SGMS1: variants seen among roughly 807,000 people sequenced by gnomAD.
SGMS1 encodes the protein phosphatidylcholine:ceramide cholinephosphotransferase 1.
SGMS1 carries 13 observed loss-of-function variants against 46.2 expected under a neutral mutation model. The ratio of observed to expected loss-of-function variants is 0.28; its 90% CI spans 0.18 to 0.45. SGMS1 has a LOEUF of 0.45. Ranked by LOEUF, SGMS1 falls within the 20% of genes least tolerant of loss-of-function variation. The pLI is 1.00. For missense variants in SGMS1, 324 were observed against 519.9 expected, an observed-to-expected ratio of 0.62 and a Z score of 3.66; for synonymous variants, 203 against 187.8, an observed-to-expected ratio of 1.08 and a Z score of -0.66.
intron 5 of SGMS1, among the ~76,000 whole-genome samples, chr10:50,447,834 C>A (rs562677041): frequency 2.0e-5 from 3 of 152,218 alleles, no homozygotes; most frequent in Admixed American, 2.0e-4. Context: ...TCATGAAGTA[C>A]AATAGATCTC....
Position 50,585,841 on chromosome 10 carries a change from G to A in SGMS1, c.-589+4312C>T, listed in dbSNP as rs550268171. Among the ~76,000 whole-genome samples the A allele has an allele frequency of 1.1e-4, 17 of 152,330 alleles. No individual in the cohort carries two copies. The South Asian group carries it at 1.7e-3, about 15-fold the overall frequency. ...AATACAATAGACACTCTGTAAATAC[G>A]TGTTGGATGAATACATGAATGAGAA... On this transcript the variant is annotated intron_variant, in intron 2 of 10. Transcript: ENST00000361781.
At chr10:50,428,413 C>T (rs896218925) in intron 6 of SGMS1, among the ~76,000 whole-genome samples, 6 of 152,164 alleles carry the variant, frequency 3.9e-5, no homozygotes, top group Admixed American at 1.3e-4. Flanking sequence ...GGGGCATCAG[C>T]CTTCTGTAGA....
chr10:50,612,929 G>A lies in SGMS1; in HGVS notation c.-684+10778C>T, dbSNP rs553610157. On this transcript the variant is annotated intron_variant, in intron 1 of 10. Coordinates refer to ENST00000361781, the MANE Select transcript of SGMS1 (RefSeq NM_147156.4). The stretch of plus-strand genomic sequence containing the variant: ...TCACCATGCTGGCCAGGCTGATCTC[G>A]AATTCCTGACCTCATAGCCACGTTT... Among the ~76,000 whole-genome samples the A allele has an allele frequency of 2.6e-5, 4 of 152,260 alleles. No homozygotes were observed. The South Asian group carries it at 6.2e-4, about 24-fold the overall frequency.
chr10:50,394,521 C>G (rs1159670401), intron 6 of SGMS1, among the ~76,000 whole-genome samples: 1 of 152,228 alleles, frequency 6.6e-6, no homozygotes, highest in Non-Finnish European at 1.5e-5. Flanking sequence ...TTCAATTACC[C>G]ATAACTGTCA....
At chr10:50,311,505 G>T in intron 8 of SGMS1, 90 bp from the exon 9 acceptor site, 1 of 1,125,546 alleles carries the variant, frequency 8.9e-7, no homozygotes, top group Non-Finnish European at 1.2e-6. Context: ...CCAGAATTAA[G>T]CTTATATTAA....
chr10:50,411,787 C>A (rs936057977), intron 6 of SGMS1, among the ~76,000 whole-genome samples: 5 of 152,198 alleles, frequency 3.3e-5, no homozygotes, highest in African/African-American at 1.2e-4. Context: ...GTTCAGGATT[C>A]TCTGTTAGGA....
upstream of SGMS1, among the ~76,000 whole-genome samples, chr10:50,624,455 A>ACTT (rs1838894981): frequency 6.6e-6 from 1 of 152,156 alleles, no homozygotes; most frequent in African/African-American, 2.4e-5. Context: ...GCCCATTTTC[A>ACTT]AACCTCTAAC....
At chr10:50,466,392 T>C (rs1445286825) in intron 4 of SGMS1, among the ~76,000 whole-genome samples, 1 of 151,892 alleles carries the variant, frequency 6.6e-6, no homozygotes, top group Non-Finnish European at 1.5e-5. Flanking sequence ...TGTTACACAG[T>C]AGAGATCTTC....
intron 3 of SGMS1, among the ~76,000 whole-genome samples, chr10:50,497,471 G>A (rs2133750676): frequency 6.6e-6 from 1 of 152,310 alleles, no homozygotes; most frequent in East Asian, 1.9e-4. Flanking sequence ...GATTATGCAA[G>A]AGAAGCCAAA....
chr10:50,405,137 T>C (rs964032043), intron 6 of SGMS1, among the ~76,000 whole-genome samples: 1 of 152,228 alleles, frequency 6.6e-6, no homozygotes, highest in Admixed American at 6.5e-5. Flanking sequence ...ATATCATTTG[T>C]ATACTAACGA....
intron 6 of SGMS1, among the ~76,000 whole-genome samples, chr10:50,357,742 G>A (rs755564483): frequency 6.6e-6 from 1 of 152,066 alleles, no homozygotes; most frequent in Non-Finnish European, 1.5e-5. Flanking sequence ...TTTCCTTGAC[G>A]ATTCGATGGA....
chr10:50,458,997 G>A (rs1281891139), intron 5 of SGMS1, among the ~76,000 whole-genome samples: 1 of 152,114 alleles, frequency 6.6e-6, no homozygotes, highest in Non-Finnish European at 1.5e-5. Flanking sequence ...TTGAATAGAT[G>A]TTCTATATTT....
chr10:50,612,280 T>G (rs1469047928), intron 1 of SGMS1, among the ~76,000 whole-genome samples: 1 of 152,240 alleles, frequency 6.6e-6, no homozygotes, highest in African/African-American at 2.4e-5. Context: ...TGCATGAAAC[T>G]TTTAGAAGAC....
At chr10:50,609,851 A>G (rs1003443602) in intron 1 of SGMS1, among the ~76,000 whole-genome samples, 6 of 152,136 alleles carry the variant, frequency 3.9e-5, no homozygotes, top group African/African-American at 1.4e-4. Context: ...GGCAGTAGTC[A>G]TGAACTTTAC....
At chr10:50,353,528 C>CAA (rs1848064410) in intron 6 of SGMS1, among the ~76,000 whole-genome samples, 1 of 152,294 alleles carries the variant, frequency 6.6e-6, no homozygotes, top group Admixed American at 6.5e-5. Context: ...AAAACTGGCA[C>CAA]AAGACAGGGA....
chr10:50,467,338 T>G (rs932169263), intron 3 of SGMS1, among the ~76,000 whole-genome samples: 41 of 152,176 alleles, frequency 2.7e-4, no homozygotes, highest in Admixed American at 1.8e-3. Context: ...TGGGATAAAT[T>G]TTCATTTTTA....
chr10:50,624,838 A>G, upstream of SGMS1: 1 of 987,968 alleles, frequency 1.0e-6, no homozygotes, highest in Non-Finnish European at 1.2e-6. Flanking sequence ...TCGGTGGCCT[A>G]CAGGCAGCCC....
chr10:50,318,462 T>C lies in SGMS1; in HGVS notation c.742-7047A>G, dbSNP rs982580678. On this transcript the variant is annotated intron_variant, in intron 8 of 10. Transcript: ENST00000361781. Reference sequence around the variant, plus strand: ...AGTGTTATACAAATTTCAGGCAGCATTACTTAACAATCCAAGTTAGGTCCA... The same window carrying C: ...AGTGTTATACAAATTTCAGGCAGCACTACTTAACAATCCAAGTTAGGTCCA... 2.6e-5 allele frequency among the ~76,000 whole-genome samples: 4 copies of C among 152,208 alleles called. No individual in the cohort carries two copies. In the East Asian group the frequency reaches 5.8e-4, roughly 22 times the overall value.
chr10:50,324,630 G>A (rs955196332), intron 8 of SGMS1, among the ~76,000 whole-genome samples: 3 of 152,172 alleles, frequency 2.0e-5, no homozygotes, highest in Non-Finnish European at 4.4e-5. Context: ...CCAAGCCTTC[G>A]AAGCCTTTCC....
Sources: allele counts gnomAD v4.1 joint callset (sites outside exome capture counted in the v4.1 genomes callset), GRCh38; gene constraint gnomAD v4.1.1; transcripts MANE v1.5; gene names NCBI Gene and HGNC (gene_info 2026-07-23, HGNC 2026-07-21).